Variants in SLC27A4 observed in about 807,000 individuals in gnomAD.
The protein encoded by SLC27A4 is solute carrier family 27 member 4, also known as long-chain fatty acid transport protein 4.
A neutral mutation model predicts 64.4 loss-of-function variants in SLC27A4; 33 were observed. The observed-to-expected ratio is 0.51, with a 90% CI of 0.39 to 0.68. The LOEUF is 0.68. Among genes scored for constraint, SLC27A4 ranks in the 30% least tolerant of loss-of-function variants. SLC27A4 has a pLI of 0.00. For missense variants in SLC27A4, 824 were observed against 883.5 expected (o/e 0.93, Z 0.85); for synonymous variants, 377 against 370.0 (o/e 1.02, Z -0.22).
At chr9:128,352,801 C>A in intron 7 of SLC27A4, 54 bp downstream of exon 7, 1 of 1,361,878 alleles carries the variant, frequency 7.3e-7, no homozygotes, top group Non-Finnish European at 1.1e-6. Flanking sequence ...ACCCTCTTCC[C>A]AACTACACTC....
At position 128,343,223 on chromosome 9, in the gene SLC27A4, T is replaced by A. The variant is rs761554439; in HGVS notation, c.91T>A (p.Phe31Ile). The change falls in exon 2 of 13, where the codon TTC becomes ATC. Residue 31 changes from phenylalanine (F) to isoleucine (I), a missense_variant. Coordinates refer to ENST00000300456, the MANE Select transcript of SLC27A4 (RefSeq NM_005094.4). ...PWTQVGFSLLFLYLGSGGWRF... is the reference protein window; with the variant it reads ...PWTQVGFSLLILYLGSGGWRF... ...GACCCAGGTGGGATTCTCCCTGTTG[T>A]TCCTCTACTTGGGATCTGGCGGCTG... 2.5e-6 allele frequency: 4 copies of A among 1,614,090 alleles called. No homozygotes were observed. In the East Asian group the frequency reaches 8.9e-5, roughly 36 times the overall value.
Position 128,343,168 on chromosome 9 carries a change from G to A in SLC27A4, c.36G>A (p.Leu12=), listed in dbSNP as rs1273355497. Residue 12 remains leucine (L), a synonymous_variant, in exon 2 of 13, where the codon CTG becomes CTA. Transcript: ENST00000300456. ...GAGCCTCTCTGGTGGGGGTGCTGCT[G>A]TTCTCCAAGCTGGTGCTGAAACTGC... is the stretch of plus-strand genomic sequence containing the variant. ...LLGASLVGVL[L]FSKLVLKLPW... is the part of the protein sequence containing the mutation. 6 of 1,614,098 alleles carry A rather than the reference G, an allele frequency of 3.7e-6. No homozygotes were observed. Among genetic ancestry groups the A allele is most frequent in the Admixed American group, 1.7e-5 (1 of 60,018 alleles).
Position 128,348,536 on chromosome 9 carries a change from T to C in SLC27A4, c.557-9T>C. On this transcript the variant is annotated splice_polypyrimidine_tract_variant and intron_variant, in intron 3 of 12. Coordinates refer to ENST00000300456, the MANE Select transcript of SLC27A4 (RefSeq NM_005094.4). ...TGGCCTGCCTGCTGACTGCCCTGTCTCCCCACAGCCATCTGTGAGGTCCAT... is the reference window on the plus strand; with the variant it reads ...TGGCCTGCCTGCTGACTGCCCTGTCCCCCCACAGCCATCTGTGAGGTCCAT... 6.2e-7 allele frequency: 1 copy of C among 1,612,812 alleles called. No homozygotes were observed. The highest frequency in any genetic ancestry group is 1.3e-5 in the African/African-American group (1 of 75,028).
intron 1 of SLC27A4, among the ~76,000 whole-genome samples, chr9:128,341,832 G>A (rs1438683060): frequency 2.0e-5 from 3 of 152,110 alleles, no homozygotes; most frequent in African/African-American, 4.8e-5. Flanking sequence ...TCCGCCTCCC[G>A]GGTTCAAGCA....
chr9:128,340,651 G>T lies in SLC27A4; in HGVS notation c.-194G>T. The T allele has an allele frequency of 3.0e-6, 1 of 332,034 alleles. No individual in the cohort carries two copies. Among genetic ancestry groups the T allele is most frequent in the Non-Finnish European group, 5.4e-6 (1 of 184,962 alleles). 20.6% of individuals were successfully genotyped at this position (332,034 alleles called of 1,614,324 possible). On this transcript the variant is annotated 5_prime_UTR_variant, in exon 1 of 13. Coordinates refer to ENST00000300456, the MANE Select transcript of SLC27A4 (RefSeq NM_005094.4). ...TGCGGGAGGCGGGCGGGGTAGGAGC[G>T]CGGCGGGCGGGGCCGGGCGGCGGGC...
rs12344475 is a variant in SLC27A4 at position 128,340,873 on chromosome 9, G to A, written c.-7+35G>A. 3,066 of 606,762 alleles carry A rather than the reference G, an allele frequency of 5.1e-3. 134 individuals are homozygous for A. The Admixed American group carries it at 0.071, about 14-fold the overall frequency. The allele number at this position is 606,762 out of a possible 1,614,324, so 37.6% of individuals were successfully genotyped here. On this transcript the variant is annotated intron_variant, in intron 1 of 12. Transcript: ENST00000300456. ...GACCGGGCTGGTGGGTTCCCGGGTG[G>A]GGACATGTGCCAGGCCGAGTCGGGC...
At chr9:128,347,401 G>T (rs982986848) in intron 3 of SLC27A4, among the ~76,000 whole-genome samples, 36 of 152,284 alleles carry the variant, frequency 2.4e-4, no homozygotes, top group Admixed American at 9.2e-4. Context: ...CACTGTTGTG[G>T]TTGTGGGATA....
intron 3 of SLC27A4, among the ~76,000 whole-genome samples, chr9:128,347,745 A>G (rs977724228): frequency 6.8e-6 from 1 of 146,716 alleles, no homozygotes; most frequent in African/African-American, 2.5e-5. Flanking sequence ...AAAGGGGGCC[A>G]GGCACAGTGG....
intron 1 of SLC27A4, chr9:128,342,363 G>C: frequency 6.2e-7 from 1 of 1,611,072 alleles, no homozygotes; most frequent in Non-Finnish European, 8.5e-7. Flanking sequence ...CAAGCGAATC[G>C]TAATGAGGCG....
intron 2 of SLC27A4, 143 bp downstream of exon 2, chr9:128,343,436 C>A (rs1291218178): frequency 1.1e-6 from 1 of 910,824 alleles, no homozygotes; most frequent in Non-Finnish European, 1.7e-6. Context: ...CTCTGCTCCA[C>A]ACCCGTACCC....
rs766711068 is a variant in SLC27A4 at position 128,340,782 on chromosome 9, C to T, written c.-63C>T. The T allele has an allele frequency of 8.7e-6, 6 of 689,026 alleles. No homozygotes were observed. The South Asian group carries it at 9.2e-5, about 11-fold the overall frequency. 42.7% of individuals were successfully genotyped at this position (689,026 alleles called of 1,614,324 possible). On this transcript the variant is annotated 5_prime_UTR_variant, in exon 1 of 13. It adds an upstream start codon to the 5' untranslated region. Transcript: ENST00000300456. ...CGGCTAATGCCCCTCACGCTGTCTA[C>T]GCTGCTGCAACCGGGCCGCATCTGG...
chr9:128,354,575 G>A lies in SLC27A4; in HGVS notation c.1325-478G>A, dbSNP rs189082765. 8.4e-4 allele frequency among the ~76,000 whole-genome samples: 127 copies of A among 152,054 alleles called. 1 individual carries two copies. In the South Asian group the frequency reaches 0.02, roughly 24 times the overall value. On this transcript the variant is annotated intron_variant, in intron 9 of 12. Coordinates refer to ENST00000300456, the MANE Select transcript of SLC27A4 (RefSeq NM_005094.4). ...CAAACATCACTGGCTCAGTGTGTCCGACCTGCCAAGATGAGCTCCTGGGCT... is the reference window on the plus strand; with the variant it reads ...CAAACATCACTGGCTCAGTGTGTCCAACCTGCCAAGATGAGCTCCTGGGCT...
rs1832631975 is a variant in SLC27A4 at position 128,345,029 on chromosome 9, A to G, written c.162-126A>G. The G allele has an allele frequency of 9.2e-7, 1 of 1,092,698 alleles. No individual in the cohort carries two copies. The highest frequency in any genetic ancestry group is 2.0e-5 in the Admixed American group (1 of 50,222). 67.7% of individuals were successfully genotyped at this position (1,092,698 alleles called of 1,614,324 possible). Reference sequence around the variant, plus strand: ...GCATGTTCCCAGCAGGAGCCAGGAGATAGAAGTGTTGTAGGGGGTCTGGCT... The same window carrying G: ...GCATGTTCCCAGCAGGAGCCAGGAGGTAGAAGTGTTGTAGGGGGTCTGGCT... On this transcript the variant is annotated intron_variant, in intron 2 of 12. Transcript: ENST00000300456. This position sits in a 1 kb window ranked among gnomAD's most constrained non-coding sequence, Gnocchi z 4.1.
In SLC27A4 at chr9:128,348,612, C is replaced by T. The variant is rs758737198; in HGVS notation, c.624C>T (p.Pro208=). The part of the protein sequence containing the change: ...LSLFCSGSWE[P]GAVPPSTEHL... ...TCTTCTGCTCTGGCTCCTGGGAGCC[C>T]GGTGCGGTGCCTCCAAGCACAGAAC... The change falls in exon 4 of 13, where the codon CCC becomes CCT. Residue 208 remains proline (P), a synonymous_variant. Transcript: ENST00000300456. 15 of 1,613,622 alleles carry T rather than the reference C, an allele frequency of 9.3e-6. No homozygotes were observed. The highest frequency in any genetic ancestry group is 6.7e-5 in the African/African-American group (5 of 74,928).
chr9:128,340,858 G>A lies in SLC27A4; in HGVS notation c.-7+20G>A. ...CGCCGGGTGAGCATAGACCGGGCTG[G>A]TGGGTTCCCGGGTGGGGACATGTGC... On this transcript the variant is annotated intron_variant, in intron 1 of 12. Coordinates refer to ENST00000300456, the MANE Select transcript of SLC27A4 (RefSeq NM_005094.4). 1 of 648,618 alleles carries A rather than the reference G, an allele frequency of 1.5e-6. No individual in the cohort carries two copies. Among genetic ancestry groups the A allele is most frequent in the Non-Finnish European group, 2.9e-6 (1 of 350,354 alleles). The allele number at this position is 648,618 out of a possible 1,614,324, so 40.2% of individuals were successfully genotyped here.
intron 3 of SLC27A4, among the ~76,000 whole-genome samples, chr9:128,347,274 A>G (rs1024244158): frequency 4.6e-5 from 7 of 152,180 alleles, no homozygotes; most frequent in Non-Finnish European, 8.8e-5. Flanking sequence ...TTTATGGATG[A>G]TGAGCCTGGA....
chr9:128,343,155 TG>T lies in SLC27A4; in HGVS notation c.28del (p.Val10CysfsTer9). 6.2e-7 allele frequency: 1 copy of T among 1,613,848 alleles called. No homozygotes were observed. On this transcript the variant is annotated frameshift_variant, in exon 2 of 13. Transcript: ENST00000300456. LOFTEE classifies it high-confidence loss of function. Reference protein sequence around the residue: MLLGASLVGVLLFSKLVL... With the variant: MLLGASLXGVLLFSKLVL... ...ACAATGCTGCTTGGAGCCTCTCTGG[TG>T]GGGGTGCTGCTGTTCTCCAAGCTGG...
At chr9:128,343,395 G>GCTGCCCTGTGCT in intron 2 of SLC27A4, 102 bp downstream of exon 2, 2 of 1,398,950 alleles carry the variant, frequency 1.4e-6, no homozygotes, top group Non-Finnish European at 2.0e-6. Flanking sequence ...TACCAGCACA[G>GCTGCCCTGTGCT]GGCAGCTGAG....
At chr9:128,358,962 CA>C (rs1026929493) in intron 12 of SLC27A4, among the ~76,000 whole-genome samples, 1 of 152,204 alleles carries the variant, frequency 6.6e-6, no homozygotes, top group African/African-American at 2.4e-5. Flanking sequence ...TTGCTTTTGC[CA>C]CCTTCTGTTG....
Sources: allele counts gnomAD v4.1 joint callset (sites outside exome capture counted in the v4.1 genomes callset), GRCh38; gene constraint gnomAD v4.1.1; non-coding constraint Gnocchi (gnomAD v3.1); transcripts MANE v1.5; gene names NCBI Gene and HGNC (gene_info 2026-07-23, HGNC 2026-07-21).